The following INPP4B variants were observed in gnomAD, a reference collection of about 807,000 sequenced individuals.
INPP4B encodes inositol polyphosphate 4-phosphatase type II.
Under a neutral mutation model 122.5 loss-of-function variants are expected in INPP4B, and 55 were observed. The ratio of observed to expected loss-of-function variants is 0.45; its 90% confidence interval spans 0.36 to 0.56. INPP4B has a LOEUF of 0.56. Among genes scored for constraint, INPP4B ranks in the 20% least tolerant of loss-of-function variants. INPP4B has a pLI of 0.00. For missense variants in INPP4B, 1,000 were observed against 1,097.7 expected (o/e 0.91, Z 1.26); for synonymous variants, 403 against 388.7 (o/e 1.04, Z -0.43).
chr4:142,645,247 A>G (rs1000428463), intron 2 of INPP4B, among the ~76,000 whole-genome samples: 2 of 152,346 alleles, frequency 1.3e-5, no homozygotes, highest in Admixed American at 1.3e-4. Context: ...GAAATGCTCT[A>G]TCAACTGAAA....
chr4:142,365,726 T>C (rs1787197758), intron 7 of INPP4B, among the ~76,000 whole-genome samples: 1 of 152,126 alleles, frequency 6.6e-6, no homozygotes, highest in Admixed American at 6.6e-5. Context: ...AGCATCACTA[T>C]AGATCACATG....
chr4:142,091,069 T>A (rs1317452300), intron 23 of INPP4B, among the ~76,000 whole-genome samples: 1 of 152,284 alleles, frequency 6.6e-6, no homozygotes, highest in Non-Finnish European at 1.5e-5. Flanking sequence ...AGGATATTGA[T>A]GTTCTCATAG....
intron 9 of INPP4B, among the ~76,000 whole-genome samples, chr4:142,272,333 T>G (rs986934662): frequency 1.4e-4 from 21 of 152,150 alleles, no homozygotes; most frequent in African/African-American, 5.1e-4. Context: ...ACTTTTGAAT[T>G]ATGTTTTTAA....
intron 2 of INPP4B, among the ~76,000 whole-genome samples, chr4:142,663,367 AT>A (rs1215224932): frequency 1.3e-5 from 2 of 152,210 alleles, no homozygotes; most frequent in Non-Finnish European, 2.9e-5. Flanking sequence ...AGGATAATAA[AT>A]TAATTTCATT....
intron 7 of INPP4B, among the ~76,000 whole-genome samples, chr4:142,372,016 A>G (rs1230595425): frequency 1.3e-5 from 2 of 152,156 alleles, no homozygotes; most frequent in African/African-American, 4.8e-5. Flanking sequence ...CACAGCCAAA[A>G]TAATGAAACC....
intron 7 of INPP4B, among the ~76,000 whole-genome samples, chr4:142,374,836 A>G (rs1210793007): frequency 6.6e-6 from 1 of 151,838 alleles, no homozygotes; most frequent in Non-Finnish European, 1.5e-5. Flanking sequence ...CTCATTTGGT[A>G]AATTGATCCA....
chr4:142,220,316 T>C (rs78407422), intron 12 of INPP4B, among the ~76,000 whole-genome samples: 16,169 of 152,284 alleles, frequency 0.11, 956 homozygotes, highest in Middle Eastern at 0.14. Context: ...ACAGAGCCGG[T>C]TGAAATATTT....
At chr4:142,455,835 TA>T (rs1815298637) in intron 3 of INPP4B, among the ~76,000 whole-genome samples, 2 of 152,056 alleles carry the variant, frequency 1.3e-5, no homozygotes, top group Non-Finnish European at 2.9e-5. Context: ...GTCTTTTGGA[TA>T]AAAAGCATTT....
In INPP4B at chr4:142,028,042, T is replaced by A. The variant is rs963562601; in HGVS notation, c.*740A>T. ...TTTTTATTTTATTTGTAATTTTAGA[T>A]CATTGCAGTGTTTTGCTTATCATTC... is the stretch of plus-strand genomic sequence containing the variant. On this transcript the variant is annotated 3_prime_UTR_variant, in exon 26 of 26. Transcript: ENST00000262992. 2 of 216,880 alleles carry A rather than the reference T, an allele frequency of 9.2e-6. No individual in the cohort carries two copies. Among genetic ancestry groups the A allele is most frequent in the African/African-American group, 2.2e-5 (1 of 44,474 alleles). 13.4% of individuals were successfully genotyped at this position (216,880 alleles called of 1,614,324 possible). A position where few individuals can be genotyped will look rare whatever the true frequency, so the allele number is the denominator to read the frequency against.
At chr4:142,321,943 A>G (rs1174416653) in intron 7 of INPP4B, among the ~76,000 whole-genome samples, 1 of 152,204 alleles carries the variant, frequency 6.6e-6, no homozygotes, top group Admixed American at 6.5e-5. Context: ...AAAGCAACAT[A>G]GCTAACATTA....
chr4:142,839,348 C>T (rs1051099962), intron 1 of INPP4B, among the ~76,000 whole-genome samples: 2 of 152,058 alleles, frequency 1.3e-5, no homozygotes, highest in African/African-American at 4.8e-5. Flanking sequence ...ATCCCAGCTA[C>T]CCAGGAGGCT....
chr4:142,448,252 C>G (rs1014054927), intron 3 of INPP4B, among the ~76,000 whole-genome samples: 1 of 149,404 alleles, frequency 6.7e-6, no homozygotes, highest in Non-Finnish European at 1.5e-5. Flanking sequence ...ATGCTACACA[C>G]CTATGGCCCT....
chr4:142,492,021 G>A (rs1396847474), intron 2 of INPP4B, among the ~76,000 whole-genome samples: 2 of 152,106 alleles, frequency 1.3e-5, no homozygotes, highest in Non-Finnish European at 2.9e-5. Flanking sequence ...CCTGGTGGGA[G>A]GTAACTGAAT....
intron 15 of INPP4B, among the ~76,000 whole-genome samples, chr4:142,176,204 T>C (rs1828184368): frequency 1.3e-5 from 2 of 150,824 alleles, no homozygotes; most frequent in Non-Finnish European, 3.0e-5. Context: ...TTGTTACATA[T>C]GTATATGTGT....
intron 25 of INPP4B, among the ~76,000 whole-genome samples, chr4:142,062,520 G>A (rs974695503): frequency 1.1e-4 from 17 of 152,086 alleles, no homozygotes; most frequent in Non-Finnish European, 2.1e-4. Flanking sequence ...TGGATCACCT[G>A]AGGTCAAGAG....
chr4:142,467,695 G>C (rs144090833), intron 2 of INPP4B, among the ~76,000 whole-genome samples: 1 of 152,142 alleles, frequency 6.6e-6, no homozygotes, highest in Admixed American at 6.5e-5. Flanking sequence ...TTTGAAATGT[G>C]AGAAAGACAT....
chr4:142,198,079 G>A (rs554472846), intron 14 of INPP4B, among the ~76,000 whole-genome samples: 1 of 152,114 alleles, frequency 6.6e-6, no homozygotes, highest in South Asian at 2.1e-4. Context: ...ACATCAAAAA[G>A]AAGACTAAAC....
intron 25 of INPP4B, among the ~76,000 whole-genome samples, chr4:142,069,073 G>T (rs28810418): frequency 0.026 from 3,893 of 152,150 alleles, 184 homozygotes; most frequent in African/African-American, 0.089. Flanking sequence ...ATTGACCACA[G>T]AGTTGGAAGT....
intron 17 of INPP4B, among the ~76,000 whole-genome samples, chr4:142,160,098 G>C (rs990827197): frequency 5.3e-5 from 8 of 151,866 alleles, no homozygotes; most frequent in Admixed American, 3.9e-4. Context: ...GGAAACATAA[G>C]AGTCTTGTAA....
Sources: gnomAD v4.1 joint callset for allele counts (sites outside exome capture counted in the v4.1 genomes callset) on GRCh38, gnomAD v4.1.1 for gene constraint, MANE v1.5 for transcripts, NCBI Gene and HGNC (gene_info 2026-07-23, HGNC 2026-07-21) for gene names.